Variants in POTEF observed in about 807,000 individuals in gnomAD.
POTEF encodes POTE ankyrin domain family member F.
In POTEF, 20 loss-of-function variants were observed where a neutral mutation model predicts 83.2. That is an observed-to-expected ratio of 0.24 (90% CI 0.17 to 0.35). The LOEUF (loss-of-function observed/expected upper bound fraction) is 0.35. POTEF is among the 10% of genes least tolerant of loss of function. The pLI is 1.00. For missense variants in POTEF, 550 were observed against 1,203.2 expected (o/e 0.46, Z 8.03); for synonymous variants, 196 against 446.4 (o/e 0.44, Z 7.07).
At position 130,086,375 on chromosome 2, in the gene POTEF, C is replaced by CT. The variant is rs1368348563; in HGVS notation, c.1563dup (p.Glu522ArgfsTer6). On this transcript the variant is annotated frameshift_variant, in exon 14 of 17. Coordinates refer to ENST00000409914, the MANE Select transcript of POTEF (RefSeq NM_001099771.2). LOFTEE classifies it high-confidence loss of function. ...TCACCATCCTTATTTATTTCTGGTTCTTGAGATCTTTTCTGCAGATGTAAA... is the reference window on the plus strand; with the variant it reads ...TCACCATCCTTATTTATTTCTGGTTCTTTGAGATCTTTTCTGCAGATGTAAA... The CT allele has an allele frequency of 1.9e-6, 3 of 1,551,618 alleles. No homozygotes were observed. In the African/African-American group the frequency reaches 4.2e-5, roughly 22 times the overall value.
intron 2 of POTEF, among the ~76,000 whole-genome samples, chr2:130,126,958 A>G (rs1685106190): frequency 6.6e-6 from 1 of 152,014 alleles, no homozygotes; most frequent in South Asian, 2.1e-4. Flanking sequence ...TAGAAGGCCT[A>G]TTATGACACC....
At chr2:130,087,710 G>T (rs1901384) in intron 13 of POTEF, among the ~76,000 whole-genome samples, 18,603 of 45,186 alleles carry the variant, frequency 0.41, 3,229 homozygotes, top group Admixed American at 0.5. Context: ...TCGGCTCACT[G>T]CAAGCTCCCT....
intron 15 of POTEF, among the ~76,000 whole-genome samples, chr2:130,079,820 A>G (rs1186569732): frequency 5.4e-5 from 1 of 18,350 alleles, no homozygotes; most frequent in South Asian, 2.0e-3. Context: ...ACCTGAGACT[A>G]GGTAATTCAT....
chr2:130,105,488 A>G (rs944547541), intron 8 of POTEF, among the ~76,000 whole-genome samples: 5 of 151,716 alleles, frequency 3.3e-5, no homozygotes, highest in African/African-American at 1.2e-4. Context: ...AGAACCTTCC[A>G]TCAATCCCAG....
intron 1 of POTEF, among the ~76,000 whole-genome samples, chr2:130,128,171 C>A (rs1171325389): frequency 6.7e-6 from 1 of 148,434 alleles, no homozygotes; most frequent in Non-Finnish European, 1.5e-5. Context: ...TTCCTGACAC[C>A]TCCACCCACA....
chr2:130,126,623 C>G (rs1685098774), intron 2 of POTEF, among the ~76,000 whole-genome samples: 1 of 152,072 alleles, frequency 6.6e-6, no homozygotes, highest in Non-Finnish European at 1.5e-5. Flanking sequence ...CTCCCTCATG[C>G]TTACCATTCC....
chr2:130,128,576 A>G (rs1383027135), intron 1 of POTEF, among the ~76,000 whole-genome samples: 1 of 122,406 alleles, frequency 8.2e-6, no homozygotes, highest in Non-Finnish European at 1.7e-5. Flanking sequence ...CTCCACAGGC[A>G]GTGTAGCACC....
At chr2:130,091,323 T>TC (rs1299426128) in intron 12 of POTEF, among the ~76,000 whole-genome samples, 238 of 124,896 alleles carry the variant, frequency 1.9e-3, no homozygotes, top group African/African-American at 7.2e-3. Context: ...CCAATCCCCC[T>TC]CCTCAGCCTC....
chr2:130,108,121 C>G (rs1211340707), intron 7 of POTEF, 42 bp from the exon 8 acceptor site: 1 of 1,537,742 alleles, frequency 6.5e-7, no homozygotes, highest in African/African-American at 1.4e-5. Context: ...TATTTTAATA[C>G]TGATATAAAA....
chr2:130,128,432 C>A (rs2104716504), intron 1 of POTEF, among the ~76,000 whole-genome samples: 1 of 151,754 alleles, frequency 6.6e-6, no homozygotes, highest in African/African-American at 2.4e-5. Context: ...CCGACCAACA[C>A]CACTGGCAGT....
Position 130,073,648 on chromosome 2 carries a change from ATTTGT to A in POTEF, c.*591_*595del, listed in dbSNP as rs1413323241. 4.0e-5 allele frequency among the ~76,000 whole-genome samples: 6 copies of A among 151,486 alleles called. No homozygotes were observed. The highest frequency in any genetic ancestry group is 1.2e-4 in the African/African-American group (5 of 41,134). ...TGTACTGAAATACTGTGCTTCCTCAATTTGTTTTAAGGTGTGCACTTTTATCCAAC... is the reference window on the plus strand; with the variant it reads ...TGTACTGAAATACTGTGCTTCCTCAATTTAAGGTGTGCACTTTTATCCAAC... On this transcript the variant is annotated 3_prime_UTR_variant, in exon 17 of 17. Transcript: ENST00000409914.
chr2:130,091,761 AGTC>A (rs1398100449), intron 12 of POTEF, among the ~76,000 whole-genome samples: 1 of 112,042 alleles, frequency 8.9e-6, no homozygotes, highest in African/African-American at 3.8e-5. Context: ...AGTATTAAAA[AGTC>A]TATCGTAAAC....
chr2:130,122,038 G>A (rs1431998230), intron 2 of POTEF, among the ~76,000 whole-genome samples: 1 of 151,666 alleles, frequency 6.6e-6, no homozygotes, highest in Non-Finnish European at 1.5e-5. Flanking sequence ...GGAAGGATTT[G>A]CCTATTCTGG....
chr2:130,107,549 A>G, intron 8 of POTEF: 1 of 196,184 alleles, frequency 5.1e-6, no homozygotes, highest in Non-Finnish European at 1.0e-5. Flanking sequence ...CAAGCCAGGG[A>G]AGCTTCATCT....
At chr2:130,108,132 A>T in intron 7 of POTEF, 53 bp from the exon 8 acceptor site, 2 of 1,523,744 alleles carry the variant, frequency 1.3e-6, no homozygotes, top group East Asian at 4.9e-5. Flanking sequence ...TGATATAAAA[A>T]AACTTACCAA....
intron 3 of POTEF, among the ~76,000 whole-genome samples, chr2:130,117,935 C>CTT (rs58113059): frequency 1.6e-4 from 7 of 45,046 alleles, no homozygotes; most frequent in Admixed American, 3.8e-4. Context: ...TATTTCATTC[C>CTT]TTTTTTTTTT....
chr2:130,119,578 T>C (rs1432124823), intron 3 of POTEF, among the ~76,000 whole-genome samples: 1 of 151,636 alleles, frequency 6.6e-6, no homozygotes, highest in Non-Finnish European at 1.5e-5. Flanking sequence ...TGTACATTGA[T>C]ATAAAATCCA....
rs754169172 is a variant in POTEF at position 130,075,077 on chromosome 2, C to T, written c.2395G>A (p.Glu799Lys). 2.7e-5 allele frequency: 43 copies of T among 1,613,642 alleles called. No individual in the cohort carries two copies. The highest frequency in any genetic ancestry group is 5.5e-5 in the South Asian group (5 of 91,074). Residue 799 changes from glutamate to lysine, a missense_variant, in exon 17 of 17, where the codon GAG becomes AAG. Glu to Lys is a moderately conservative substitution (Grantham distance 56, BLOSUM62 1). Transcript: ENST00000409914. ...TCGGTCAGCAGGACGGGGTGCTCCTCGGGAGCCACACGCAGCTCGTTGTAG... is the reference window on the plus strand; with the variant it reads ...TCGGTCAGCAGGACGGGGTGCTCCTTGGGAGCCACACGCAGCTCGTTGTAG... Reference protein sequence around the residue: ...TFYNELRVAPEEHPVLLTEAT... With the variant: ...TFYNELRVAPKEHPVLLTEAT...
chr2:130,105,418 G>C (rs959090089), intron 8 of POTEF, among the ~76,000 whole-genome samples: 42 of 151,774 alleles, frequency 2.8e-4, no homozygotes, highest in Admixed American at 1.3e-3. Flanking sequence ...TGTATGACAA[G>C]GAAACTATAG....
Sources: gnomAD v4.1 joint callset for allele counts (sites outside exome capture counted in the v4.1 genomes callset) on GRCh38, gnomAD v4.1.1 for gene constraint, MANE v1.5 for transcripts, NCBI Gene and HGNC (gene_info 2026-07-23, HGNC 2026-07-21) for gene names.